TEAD1: variants seen among roughly 807,000 people sequenced by gnomAD.
The protein encoded by TEAD1 is TEA domain transcription factor 1.
Under a neutral mutation model 54.9 loss-of-function variants are expected in TEAD1, and 9 were observed. The ratio of observed to expected loss-of-function variants is 0.16; its 90% CI spans 0.10 to 0.29. The LOEUF (loss-of-function observed/expected upper bound fraction) is 0.29, where lower values mean the gene tolerates loss of function less well. Ranked by LOEUF, TEAD1 falls within the 10% of genes least tolerant of loss-of-function variation. The pLI, the probability that TEAD1 is intolerant of heterozygous loss-of-function variation, is 1.00. For missense variants in TEAD1, 387 were observed against 535.9 expected (o/e 0.72, Z 2.74); for synonymous variants, 200 against 187.8 (o/e 1.07, Z -0.53).
chr11:12,732,488 T>C (rs957386518), intron 2 of TEAD1, among the ~76,000 whole-genome samples: 18 of 152,102 alleles, frequency 1.2e-4, no homozygotes, highest in Non-Finnish European at 2.2e-4. Flanking sequence ...TGGTGAAGAA[T>C]ATAGAGAAGT....
chr11:12,864,599 T>C (rs1589938035), intron 4 of TEAD1: 5 of 1,078,716 alleles, frequency 4.6e-6, no homozygotes, highest in South Asian at 3.4e-5. Flanking sequence ...AGAGTAGCGA[T>C]TTTATATTTG....
intron 3 of TEAD1, among the ~76,000 whole-genome samples, chr11:12,779,820 A>G (rs1945507885): frequency 6.6e-6 from 1 of 152,242 alleles, no homozygotes; most frequent in South Asian, 2.1e-4. Context: ...AGAGTGAAGA[A>G]AAAACCACAT....
intron 2 of TEAD1, among the ~76,000 whole-genome samples, chr11:12,702,381 C>G (rs1943722186): frequency 6.6e-6 from 1 of 152,184 alleles, no homozygotes; most frequent in Non-Finnish European, 1.5e-5. Flanking sequence ...CGACACCACT[C>G]CCTCTTTATA....
At chr11:12,705,398 A>G (rs1296877495) in intron 2 of TEAD1, among the ~76,000 whole-genome samples, 2 of 152,216 alleles carry the variant, frequency 1.3e-5, no homozygotes, top group Admixed American at 6.5e-5. Context: ...CAGTGCAGAA[A>G]GGGGCCTGGG....
chr11:12,676,653 A>C (rs1464254291), intron 2 of TEAD1, among the ~76,000 whole-genome samples: 1 of 152,160 alleles, frequency 6.6e-6, no homozygotes, highest in Non-Finnish European at 1.5e-5. Context: ...AGGAAAGACA[A>C]ATGGATTCGT....
chr11:12,743,583 C>T (rs533772455), intron 2 of TEAD1, among the ~76,000 whole-genome samples: 1 of 152,308 alleles, frequency 6.6e-6, no homozygotes, highest in African/African-American at 2.4e-5. Flanking sequence ...AAACAGCCCC[C>T]TGCTAGGCAT....
intron 2 of TEAD1, among the ~76,000 whole-genome samples, chr11:12,716,146 G>A (rs1009111428): frequency 6.6e-6 from 1 of 152,056 alleles, no homozygotes; most frequent in African/African-American, 2.4e-5. Flanking sequence ...TCCGGCCGAG[G>A]GATGGGAGGG....
At chr11:12,825,260 C>T (rs534202004) in intron 3 of TEAD1, among the ~76,000 whole-genome samples, 15 of 152,168 alleles carry the variant, frequency 9.9e-5, no homozygotes, top group Non-Finnish European at 1.8e-4. Flanking sequence ...CAAAGGCATC[C>T]GGATTGGGAA....
At chr11:12,798,265 C>A (rs545331257) in intron 3 of TEAD1, among the ~76,000 whole-genome samples, 1 of 152,172 alleles carries the variant, frequency 6.6e-6, no homozygotes, top group African/African-American at 2.4e-5. Context: ...TCCAGTTCCA[C>A]CCCCATCAGT....
chr11:12,888,536 G>C (rs1160767984), intron 9 of TEAD1, among the ~76,000 whole-genome samples: 1 of 152,012 alleles, frequency 6.6e-6, no homozygotes, highest in Non-Finnish European at 1.5e-5. Flanking sequence ...GCATACTTTG[G>C]TACCACCAAA....
chr11:12,875,010 A>G (rs955079513), intron 5 of TEAD1, among the ~76,000 whole-genome samples: 1 of 152,194 alleles, frequency 6.6e-6, no homozygotes, highest in Non-Finnish European at 1.5e-5. Flanking sequence ...ACACGCACGC[A>G]CACATACACA....
chr11:12,764,494 A>G (rs1945162658), intron 3 of TEAD1, 60 bp downstream of exon 3: 4 of 1,582,862 alleles, frequency 2.5e-6, no homozygotes, highest in Non-Finnish European at 3.5e-6. Context: ...TAGGGGATAG[A>G]TTGTAGCTGG....
intron 2 of TEAD1, among the ~76,000 whole-genome samples, chr11:12,749,115 G>A (rs1002088217): frequency 2.0e-5 from 3 of 152,166 alleles, no homozygotes; most frequent in African/African-American, 4.8e-5. Flanking sequence ...CACTGTGCCA[G>A]AACTGTGTGT....
chr11:12,706,861 T>C (rs575911332), intron 2 of TEAD1, among the ~76,000 whole-genome samples: 71 of 152,276 alleles, frequency 4.7e-4, no homozygotes, highest in African/African-American at 1.5e-3. Context: ...ATAATGGGCC[T>C]CTTCTTCCAG....
chr11:12,848,815 T>C (rs957369839), intron 3 of TEAD1: 3 of 151,742 alleles, frequency 2.0e-5, no homozygotes, highest in Admixed American at 2.0e-4. Context: ...CTGCGTATAG[T>C]GGCACACGTC....
Position 12,913,878 on chromosome 11 carries a change from C to T in TEAD1, c.874-11034C>T, listed in dbSNP as rs180746538. Among the ~76,000 whole-genome samples the T allele has an allele frequency of 2.2e-4, 34 of 152,262 alleles. No homozygotes were observed. In the East Asian group the frequency reaches 2.3e-3, roughly 10 times the overall value. ...TATGAAAAACTTTTCATGCACAAAA[C>T]CTTGAAACCATAAAAAGGTCCTGTT... On this transcript the variant is annotated intron_variant, in intron 10 of 12. Coordinates refer to ENST00000527636, the MANE Select transcript of TEAD1 (RefSeq NM_021961.6).
chr11:12,886,958 T>A (rs1341247198), intron 9 of TEAD1, among the ~76,000 whole-genome samples: 2 of 152,230 alleles, frequency 1.3e-5, no homozygotes, highest in African/African-American at 4.8e-5. Flanking sequence ...TGCTGTGAAA[T>A]TATTTTGCCT....
At chr11:12,690,336 AGTTGGCTG>A (rs1421896728) in intron 2 of TEAD1, among the ~76,000 whole-genome samples, 1 of 151,750 alleles carries the variant, frequency 6.6e-6, no homozygotes, top group Non-Finnish European at 1.5e-5. Flanking sequence ...GTTTTTTCAT[AGTTGGCTG>A]GTCTAGATGA....
At chr11:12,846,284 C>T (rs775363116) in intron 3 of TEAD1, among the ~76,000 whole-genome samples, 9 of 150,850 alleles carry the variant, frequency 6.0e-5, no homozygotes, top group Non-Finnish European at 1.2e-4. Flanking sequence ...AGTCTGTGCA[C>T]AGCTTAAACA....
Sources: allele counts gnomAD v4.1 joint callset (sites outside exome capture counted in the v4.1 genomes callset), GRCh38; gene constraint gnomAD v4.1.1; transcripts MANE v1.5; gene names NCBI Gene and HGNC (gene_info 2026-07-23, HGNC 2026-07-21).